Variants in ERC2 observed in about 807,000 individuals in gnomAD.
ERC2 encodes ELKS/RAB6-interacting/CAST family member 2, also known as ERC protein 2.
In ERC2, 42 loss-of-function variants were observed where a neutral mutation model predicts 114.8. That is an observed-to-expected ratio of 0.37 (90% CI 0.29 to 0.47). The LOEUF is 0.47. Among genes scored for constraint, ERC2 ranks in the 20% least tolerant of loss-of-function variants. The pLI is 0.99. For missense variants in ERC2, 939 were observed against 1,150.7 expected, an observed-to-expected ratio of 0.82 and a Z score of 2.66; for synonymous variants, 454 against 425.5, an observed-to-expected ratio of 1.07 and a Z score of -0.82.
intron 3 of ERC2, among the ~76,000 whole-genome samples, chr3:56,293,786 C>A (rs1057007288): frequency 6.6e-6 from 1 of 152,136 alleles, no homozygotes; most frequent in Non-Finnish European, 1.5e-5. Flanking sequence ...TATATCCACA[C>A]CAGACCATTG....
chr3:55,880,910 CT>C (rs935879090), intron 14 of ERC2, among the ~76,000 whole-genome samples: 14 of 152,018 alleles, frequency 9.2e-5, no homozygotes, highest in African/African-American at 3.4e-4. Flanking sequence ...TATGTATAGC[CT>C]TTTGTGGGTT....
At chr3:55,959,180 C>A (rs1011943226) in intron 12 of ERC2, among the ~76,000 whole-genome samples, 1 of 152,186 alleles carries the variant, frequency 6.6e-6, no homozygotes, top group African/African-American at 2.4e-5. Context: ...ACCTTGGGAG[C>A]AATCTTAGCA....
At chr3:56,246,163 A>T (rs1219639533) in intron 3 of ERC2, among the ~76,000 whole-genome samples, 1 of 149,964 alleles carries the variant, frequency 6.7e-6, no homozygotes, top group Non-Finnish European at 1.5e-5. Flanking sequence ...GTGATTTAAT[A>T]TTTCAGCTTT....
At chr3:56,404,907 T>C (rs1339335866) in intron 2 of ERC2, among the ~76,000 whole-genome samples, 1 of 152,156 alleles carries the variant, frequency 6.6e-6, no homozygotes, top group Non-Finnish European at 1.5e-5. Flanking sequence ...CTGGGATAAT[T>C]AGAAGGGGAA....
intron 1 of ERC2, among the ~76,000 whole-genome samples, chr3:56,454,828 C>A (rs950600936): frequency 1.3e-5 from 2 of 148,732 alleles, no homozygotes; most frequent in African/African-American, 2.5e-5. Flanking sequence ...CACTGCACTC[C>A]CACTTGGGCA....
chr3:55,651,978 T>C (rs2060642701), intron 17 of ERC2, among the ~76,000 whole-genome samples: 1 of 152,240 alleles, frequency 6.6e-6, no homozygotes, highest in Non-Finnish European at 1.5e-5. Context: ...CAAACATTTC[T>C]GCTGTCCCAG....
chr3:55,574,318 T>C (rs141941511), intron 17 of ERC2, among the ~76,000 whole-genome samples: 6 of 152,176 alleles, frequency 3.9e-5, no homozygotes, highest in Non-Finnish European at 8.8e-5. Context: ...AATTCCCTAA[T>C]GAAATCTTGG....
At chr3:56,019,093 G>C in intron 7 of ERC2, 62 bp from the exon 8 acceptor site, 1 of 1,257,088 alleles carries the variant, frequency 8.0e-7, no homozygotes, top group Non-Finnish European at 1.1e-6. Flanking sequence ...CAAAATTCCT[G>C]AAGTGGATCT....
chr3:55,888,052 C>A (rs2063430717), intron 14 of ERC2, among the ~76,000 whole-genome samples: 1 of 152,242 alleles, frequency 6.6e-6, no homozygotes, highest in Non-Finnish European at 1.5e-5. Context: ...CTGAGCAGCG[C>A]TCAAATTACC....
chr3:55,560,443 CTGCCATGTAAGAAAT>C (rs2107474609), intron 17 of ERC2, among the ~76,000 whole-genome samples: 1 of 152,288 alleles, frequency 6.6e-6, no homozygotes, highest in African/African-American at 2.4e-5. Context: ...GAGCCCTAAG[CTGCCATGTAAGAAAT>C]TGCACTACCC....
At chr3:55,883,926 A>ACC (rs1491546354) in intron 14 of ERC2, among the ~76,000 whole-genome samples, 11 of 145,786 alleles carry the variant, frequency 7.5e-5, no homozygotes, top group African/African-American at 3.0e-4. Flanking sequence ...CAACAACAAC[A>ACC]ACACCACAAA....
intron 17 of ERC2, chr3:55,612,977 A>T (rs2058969727): frequency 6.6e-6 from 1 of 152,244 alleles, no homozygotes. Flanking sequence ...TGCTTATCTG[A>T]AATGCAAATG....
intron 17 of ERC2, among the ~76,000 whole-genome samples, chr3:55,532,570 C>G (rs1202056961): frequency 1.3e-5 from 2 of 152,194 alleles, no homozygotes; most frequent in African/African-American, 2.4e-5. Context: ...TATTAACGCA[C>G]TCAATTCTCC....
chr3:56,213,320 T>C (rs938213800), intron 3 of ERC2, among the ~76,000 whole-genome samples: 6 of 152,332 alleles, frequency 3.9e-5, no homozygotes, highest in South Asian at 4.1e-4. Flanking sequence ...CCCACCCTAA[T>C]ACTGTGCTTT....
At chr3:56,253,847 C>G (rs1005855762) in intron 3 of ERC2, among the ~76,000 whole-genome samples, 1 of 152,146 alleles carries the variant, frequency 6.6e-6, no homozygotes. Context: ...GAATCTGCAA[C>G]GAGTTATAAT....
At chr3:55,810,426 T>C (rs1460947169) in intron 14 of ERC2, among the ~76,000 whole-genome samples, 1 of 152,138 alleles carries the variant, frequency 6.6e-6, no homozygotes, top group Non-Finnish European at 1.5e-5. Context: ...CCTGAGTTTT[T>C]TTCACTCAGT....
intron 7 of ERC2, among the ~76,000 whole-genome samples, chr3:56,062,588 ATTTCT>A (rs2076289462): frequency 6.6e-6 from 1 of 152,296 alleles, no homozygotes; most frequent in South Asian, 2.1e-4. Context: ...AGAAGCGCTC[ATTTCT>A]TTTATTTTTA....
intron 2 of ERC2, among the ~76,000 whole-genome samples, chr3:56,305,511 TCC>T (rs1491452287): frequency 2.7e-4 from 24 of 89,718 alleles, no homozygotes; most frequent in African/African-American, 9.3e-4. Flanking sequence ...CACTCTCTTA[TCC>T]ACACACACAC....
intron 13 of ERC2, among the ~76,000 whole-genome samples, chr3:55,935,870 G>T (rs963405153): frequency 2.0e-5 from 3 of 152,022 alleles, no homozygotes; most frequent in African/African-American, 7.2e-5. Context: ...AAACAGCTAG[G>T]GTAGCTCAAC....
Sources: gnomAD v4.1 joint callset for allele counts (sites outside exome capture counted in the v4.1 genomes callset) on GRCh38, gnomAD v4.1.1 for gene constraint, MANE v1.5 for transcripts, NCBI Gene and HGNC (gene_info 2026-07-23, HGNC 2026-07-21) for gene names.